Variants in ZNF783 observed in about 807,000 individuals in gnomAD.
The protein encoded by ZNF783 is protein ZNF783.
Under a neutral mutation model 31.3 loss-of-function variants are expected in ZNF783, and 25 were observed. The ratio of observed to expected loss-of-function variants is 0.80; its 90% confidence interval spans 0.58 to 1.11. The LOEUF (loss-of-function observed/expected upper bound fraction) is 1.11. Among genes scored for constraint, ZNF783 ranks in the 50% most tolerant of loss-of-function variants. The pLI is 0.00. For synonymous variants in ZNF783, 369 were observed against 319.1 expected (o/e 1.16, Z -1.66); for missense variants, 797 against 760.0 (o/e 1.05, Z -0.57).
rs1402648640 is a variant in ZNF783 at position 149,266,728 on chromosome 7, A to G, written c.418A>G (p.Lys140Glu). The G allele has an allele frequency of 6.2e-7, 1 of 1,613,694 alleles. No individual in the cohort carries two copies. The highest frequency in any genetic ancestry group is 2.2e-5 in the East Asian group (1 of 44,870). Residue 140 changes from lysine (K) to glutamate (E), a missense_variant and splice_region_variant, in exon 2 of 6, where the codon AAG becomes GAG. Coordinates refer to ENST00000434415, the MANE Select transcript of ZNF783 (RefSeq NM_001195220.2). The stretch of plus-strand genomic sequence containing the variant: ...CCCGGGCAGCAAGGGGGAGGCCCCC[A>G]AGGTAGCACCGGGACACCCTGGGGT... ...LPPGSKGEAP[K>E]VPVTFDDVAV... is the part of the protein sequence containing the mutation.
In ZNF783 at chr7:149,282,183, A is replaced by G. The variant is rs780152877; in HGVS notation, c.1481A>G (p.Tyr494Cys). The change falls in exon 6 of 6, where the codon TAC becomes TGC. Residue 494 changes from tyrosine (Y) to cysteine (C), a missense_variant. Tyr to Cys is a radical substitution (Grantham distance 194). Coordinates refer to ENST00000434415, the MANE Select transcript of ZNF783 (RefSeq NM_001195220.2). ...CGCATCCACACCGGTGAGCGGCCCT[A>G]CCAGTGCCCCCAGTGTGGCCGGACC... ...HQRIHTGERP[Y>C]QCPQCGRTFN... 8.1e-6 allele frequency: 13 copies of G among 1,600,746 alleles called. 1 individual carries two copies. The East Asian group carries it at 2.0e-4, about 25-fold the overall frequency.
Position 149,264,021 on chromosome 7 carries a change from C to T in ZNF783, c.24+1664C>T, listed in dbSNP as rs118104149. On this transcript the variant is annotated intron_variant, in intron 1 of 5. Transcript: ENST00000434415. ...CTGCTTCACTACCTTTCAGATCACT[C>T]CTGTCCACCTGCTCCTCCCTTCTTG... 7.7e-3 allele frequency among the ~76,000 whole-genome samples: 1,172 copies of T among 152,288 alleles called. 9 individuals carry two copies. The highest frequency in any genetic ancestry group is 0.015 in the Admixed American group (231 of 15,298).
rs921942625 is a variant in ZNF783, at chr7:149,283,800, G to A, written c.*1457G>A. 21 of 152,218 alleles carry A rather than the reference G, an allele frequency of 1.4e-4. No individual in the cohort carries two copies. Among genetic ancestry groups the A allele is most frequent in the African/African-American group, 4.8e-4 (20 of 41,424 alleles). 9.4% of individuals were successfully genotyped at this position (152,218 alleles called of 1,614,324 possible). A position where few individuals can be genotyped will look rare whatever the true frequency, so the allele number is the denominator to read the frequency against. ...CAGAGTTGTCAGGGTCAAAGTAACAGGCACTGGGACAAATATGAAGCCTAG... is the reference window on the plus strand; with the variant it reads ...CAGAGTTGTCAGGGTCAAAGTAACAAGCACTGGGACAAATATGAAGCCTAG... On this transcript the variant is annotated 3_prime_UTR_variant, in exon 6 of 6. Transcript: ENST00000434415.
At chr7:149,265,779 G>T (rs1797048186) in intron 1 of ZNF783, among the ~76,000 whole-genome samples, 1 of 152,190 alleles carries the variant, frequency 6.6e-6, no homozygotes, top group Non-Finnish European at 1.5e-5. Context: ...TTTGTACACA[G>T]ATTTTTCTTA....
In ZNF783 at chr7:149,272,108, C is replaced by G. The variant is rs375939298; in HGVS notation, c.673+4886C>G. The stretch of plus-strand genomic sequence containing the variant: ...TCTCGTCTCACTGTAATCCCTGACT[C>G]CTGGGTTCAAATGATTCTGGAGCCC... On this transcript the variant is annotated intron_variant, in intron 4 of 5. Coordinates refer to ENST00000434415, the MANE Select transcript of ZNF783 (RefSeq NM_001195220.2). Among the ~76,000 whole-genome samples, 21 of 152,220 alleles carry G rather than the reference C, an allele frequency of 1.4e-4. No individual in the cohort carries two copies. The East Asian group carries it at 2.5e-3, about 18-fold the overall frequency.
intron 4 of ZNF783, chr7:149,276,081 G>C (rs1264774587): frequency 1.3e-5 from 2 of 152,380 alleles, no homozygotes; most frequent in East Asian, 1.9e-4. Context: ...TGTAGAGGCA[G>C]GGTTTCACCA....
chr7:149,275,079 A>G (rs910963489), intron 4 of ZNF783, among the ~76,000 whole-genome samples: 2 of 152,122 alleles, frequency 1.3e-5, no homozygotes, highest in African/African-American at 4.8e-5. Context: ...TCTTGCATTA[A>G]TGTTTCATAA....
chr7:149,268,303 C>G (rs551442261), intron 4 of ZNF783, among the ~76,000 whole-genome samples: 1 of 152,168 alleles, frequency 6.6e-6, no homozygotes, highest in South Asian at 2.1e-4. Flanking sequence ...AAAATGTTTT[C>G]TATGGGTCTT....
rs1340608523 is a variant in ZNF783, at chr7:149,267,067, G to A, written c.548-30G>A. The A allele has an allele frequency of 2.5e-6, 4 of 1,604,990 alleles. No individual in the cohort carries two copies. The African/African-American group carries it at 5.3e-5, about 21-fold the overall frequency. On this transcript the variant is annotated intron_variant, in intron 3 of 5. Transcript: ENST00000434415. ...CATCTCTGTGGGCATGTGGGGTCCA[G>A]CTCTTCCTCATTTCTTGTTCTGTGC... is the stretch of plus-strand genomic sequence containing the variant.
chr7:149,273,544 C>CT (rs199971838), intron 4 of ZNF783, among the ~76,000 whole-genome samples: 115 of 143,740 alleles, frequency 8.0e-4, no homozygotes, highest in Middle Eastern at 3.7e-3. Flanking sequence ...GCCATTTGTA[C>CT]TTTTTTTTTT....
At chr7:149,263,852 G>A (rs929509780) in intron 1 of ZNF783, among the ~76,000 whole-genome samples, 10 of 152,136 alleles carry the variant, frequency 6.6e-5, no homozygotes, top group Admixed American at 6.5e-4. Context: ...CCTCCTCTTA[G>A]TGAGTGTGCT....
chr7:149,267,863 C>T (rs749715731), intron 4 of ZNF783, among the ~76,000 whole-genome samples: 3 of 152,168 alleles, frequency 2.0e-5, no homozygotes, highest in Non-Finnish European at 4.4e-5. Flanking sequence ...GGCATCTTCA[C>T]GTGTGTCCAT....
Position 149,282,957 on chromosome 7 carries a change from G to GTTTTTTTTTTTTTTTTTTTTTTT in ZNF783, c.*624_*625insTTTTTTTTTTTTTTTTTTTTTTT, listed in dbSNP as rs57927274. On this transcript the variant is annotated 3_prime_UTR_variant, in exon 6 of 6. Coordinates refer to ENST00000434415, the MANE Select transcript of ZNF783 (RefSeq NM_001195220.2). The stretch of plus-strand genomic sequence containing the variant: ...CGTCCACCAGCCTGTGGGTCTTTTG[G>GTTTTTTTTTTTTTTTTTTTTTTT]TTTTTTTTTTGTTGTTGTTGTTGTT... 3 of 134,410 alleles carry GTTTTTTTTTTTTTTTTTTTTTTT rather than the reference G, an allele frequency of 2.2e-5. No individual in the cohort carries two copies. The highest frequency in any genetic ancestry group is 1.5e-4 in the Admixed American group (2 of 12,994). 8.3% of individuals were successfully genotyped at this position (134,410 alleles called of 1,614,324 possible). A position where few individuals can be genotyped will look rare whatever the true frequency, so the allele number is the denominator to read the frequency against.
Position 149,281,781 on chromosome 7 carries a change from T to C in ZNF783, c.1079T>C (p.Leu360Pro). ...CCCGACTGCGGGCAGAGCTTCCGCC[T>C]GAAGATCAATCTGACGATTCATCAG... is the stretch of plus-strand genomic sequence containing the variant. ...PCPDCGQSFR[L>P]KINLTIHQRT... The change falls in exon 6 of 6, where the codon CTG (leucine) becomes CCG (proline). Residue 360 changes from leucine (L) to proline (P), a missense_variant. Coordinates refer to ENST00000434415, the MANE Select transcript of ZNF783 (RefSeq NM_001195220.2). The C allele has an allele frequency of 1.3e-6, 2 of 1,511,932 alleles. No individual in the cohort carries two copies. Among genetic ancestry groups the C allele is most frequent in the Non-Finnish European group, 8.8e-7 (1 of 1,139,638 alleles). 93.7% of individuals were successfully genotyped at this position (1,511,932 alleles called of 1,614,324 possible).
chr7:149,266,518 C>T lies in ZNF783; in HGVS notation c.208C>T (p.Arg70Cys), dbSNP rs371590702. Residue 70 changes from arginine (R) to cysteine (C), a missense_variant, in exon 2 of 6, where the codon CGC (arginine) becomes TGC (cysteine). Arg to Cys is a radical substitution (Grantham distance 180, BLOSUM62 -3). Transcript: ENST00000434415. The part of the protein sequence containing the change: ...CLTRLLTLEG[R>C]TGTAEKKLAD... ...GACCCGCTTGCTGACTCTGGAGGGG[C>T]GCACGGGGACAGCCGAGAAGAAGCT... 48 of 1,613,886 alleles carry T rather than the reference C, an allele frequency of 3.0e-5. No individual in the cohort carries two copies. Among genetic ancestry groups the T allele is most frequent in the African/African-American group, 1.6e-4 (12 of 74,920 alleles).
In ZNF783 at chr7:149,266,790, G is replaced by GT. The variant is rs776359353; in HGVS notation, c.421-28dup. 1.7e-5 allele frequency: 27 copies of GT among 1,613,752 alleles called. No homozygotes were observed. In the African/African-American group the frequency reaches 2.9e-4, roughly 18 times the overall value. On this transcript the variant is annotated intron_variant, in intron 2 of 5. Coordinates refer to ENST00000434415, the MANE Select transcript of ZNF783 (RefSeq NM_001195220.2). Reference sequence around the variant, plus strand: ...AGGGGCTGAGCCTGTGAGCGTGTGGGTGAGTGAGTGCGACACTTATGGTTC... The same window carrying GT: ...AGGGGCTGAGCCTGTGAGCGTGTGGGTTGAGTGAGTGCGACACTTATGGTTC...
chr7:149,270,072 G>A (rs1797175204), intron 4 of ZNF783, among the ~76,000 whole-genome samples: 1 of 152,134 alleles, frequency 6.6e-6, no homozygotes, highest in African/African-American at 2.4e-5. Context: ...GTCTATCATT[G>A]TTGGACATTT....
intron 5 of ZNF783, among the ~76,000 whole-genome samples, chr7:149,280,186 G>A (rs1163782870): frequency 4.3e-5 from 6 of 140,958 alleles, no homozygotes; most frequent in Non-Finnish European, 7.8e-5. Context: ...GCGGCTGGCC[G>A]GGCAGAGGAG....
intron 4 of ZNF783, among the ~76,000 whole-genome samples, chr7:149,270,609 C>A (rs938700715): frequency 6.6e-6 from 1 of 152,198 alleles, no homozygotes; most frequent in Admixed American, 6.5e-5. Flanking sequence ...TAGGCCTTTG[C>A]AGCCATGATT....
Sources: gnomAD v4.1 joint callset for allele counts (sites outside exome capture counted in the v4.1 genomes callset) on GRCh38, gnomAD v4.1.1 for gene constraint, MANE v1.5 for transcripts, NCBI Gene and HGNC (gene_info 2026-07-23, HGNC 2026-07-21) for gene names.